Variants in BNIP1 observed in about 807,000 individuals in gnomAD.
BNIP1 encodes BCL2 interacting protein 1.
In BNIP1, 25 loss-of-function variants were observed where a neutral mutation model predicts 28.5. The observed-to-expected ratio is 0.88, with a 90% confidence interval of 0.64 to 1.23. The LOEUF is 1.23. Among genes scored for constraint, BNIP1 ranks in the 50% most tolerant of loss-of-function variants. The pLI is 0.00. For missense variants in BNIP1, 276 were observed against 277.0 expected (o/e 1.00, Z 0.02); for synonymous variants, 118 against 101.7 (o/e 1.16, Z -0.96).
In BNIP1 at chr5:173,154,423, G is replaced by C. The variant is rs1581075173; in HGVS notation, c.269+10G>C. On this transcript the variant is annotated intron_variant, in intron 3 of 5. Transcript: ENST00000351486. ...AAAAGCAGATGCTCAGGTAGGCAGG[G>C]CCTGCCCCCGCCAGCGGCTTCTGCT... 1 of 1,602,146 alleles carries C rather than the reference G, an allele frequency of 6.2e-7. No individual in the cohort carries two copies. The highest frequency in any genetic ancestry group is 8.5e-7 in the Non-Finnish European group (1 of 1,173,596).
rs767108950 is a variant in BNIP1, at chr5:173,158,725, G to A, written c.270-19G>A. ...CTTGGTGGAGTGGACACACTCACAC[G>A]TGAACCTTCCAATTCCAGCAATCAG... is the stretch of plus-strand genomic sequence containing the variant. On this transcript the variant is annotated intron_variant, in intron 3 of 5. Coordinates refer to ENST00000351486, the MANE Select transcript of BNIP1 (RefSeq NM_001205.3). 28 of 1,601,270 alleles carry A rather than the reference G, an allele frequency of 1.7e-5. No individual in the cohort carries two copies. The highest frequency in any genetic ancestry group is 3.4e-5 in the Admixed American group (2 of 59,464).
chr5:173,144,672 C>T (rs1041486055), intron 1 of BNIP1, 43 bp downstream of exon 1: 2 of 1,597,926 alleles, frequency 1.3e-6, no homozygotes, highest in African/African-American at 1.3e-5. Flanking sequence ...CAGCCCTAAC[C>T]CAAGCTCTGC....
At position 173,162,403 on chromosome 5, in the gene BNIP1, C is replaced by T. The variant is rs562322787; in HGVS notation, c.491-1322C>T. Reference sequence around the variant, plus strand: ...CTTTGGGAGGCCAAGGCGGGCAGATCACTTGAGGTCAGGAGTTCGAGACCA... The same window carrying T: ...CTTTGGGAGGCCAAGGCGGGCAGATTACTTGAGGTCAGGAGTTCGAGACCA... On this transcript the variant is annotated intron_variant, in intron 5 of 5. Transcript: ENST00000351486. 3.3e-5 allele frequency among the ~76,000 whole-genome samples: 5 copies of T among 152,290 alleles called. No homozygotes were observed. The East Asian group carries it at 9.6e-4, about 29-fold the overall frequency.
Position 173,163,940 on chromosome 5 carries a change from T to G in BNIP1, c.*19T>G, listed in dbSNP as rs1467922545. 1.3e-6 allele frequency: 2 copies of G among 1,572,280 alleles called. No homozygotes were observed. Among genetic ancestry groups the G allele is most frequent in the African/African-American group, 2.7e-5 (2 of 73,332 alleles). ...TTTGTGAGATCCCAAAGGTGCCAGT[T>G]CTGGCCCTTTCAGCTCCTGTTTCAG... On this transcript the variant is annotated 3_prime_UTR_variant, in exon 6 of 6. Coordinates refer to ENST00000351486, the MANE Select transcript of BNIP1 (RefSeq NM_001205.3).
At chr5:173,146,623 G>A (rs1439218360) in intron 1 of BNIP1, among the ~76,000 whole-genome samples, 1 of 152,184 alleles carries the variant, frequency 6.6e-6, no homozygotes, top group Admixed American at 6.5e-5. Context: ...TAAAAATTAG[G>A]TCAAAGCAGT....
chr5:173,146,292 G>A (rs937864850), intron 1 of BNIP1, among the ~76,000 whole-genome samples: 2 of 152,186 alleles, frequency 1.3e-5, no homozygotes, highest in African/African-American at 2.4e-5. Context: ...GCCAGGATTC[G>A]AATCCACCTG....
At chr5:173,145,628 C>T (rs1313804035) in intron 1 of BNIP1, among the ~76,000 whole-genome samples, 3 of 152,222 alleles carry the variant, frequency 2.0e-5, no homozygotes, top group Non-Finnish European at 2.9e-5. Flanking sequence ...TGGTCTCGAT[C>T]TCCTGACCTC....
intron 3 of BNIP1, among the ~76,000 whole-genome samples, chr5:173,156,850 G>A (rs544753587): frequency 5.3e-5 from 8 of 151,496 alleles, no homozygotes; most frequent in East Asian, 1.9e-4. Context: ...GGGTTTCTCC[G>A]TGTTAGCCAG....
chr5:173,163,661 G>A, intron 5 of BNIP1, 64 bp from the exon 6 acceptor site: 1 of 1,446,974 alleles, frequency 6.9e-7, no homozygotes, highest in Non-Finnish European at 9.3e-7. Flanking sequence ...CCAGCCAGCA[G>A]AGTGAGGTCT....
In BNIP1 at chr5:173,160,048, C is replaced by G; in HGVS notation, c.487C>G (p.Leu163Val). 1 of 1,613,354 alleles carries G rather than the reference C, an allele frequency of 6.2e-7. No individual in the cohort carries two copies. Among genetic ancestry groups the G allele is most frequent in the South Asian group, 1.1e-5 (1 of 91,030 alleles). Residue 163 changes from leucine to valine, a missense_variant, in exon 5 of 6, where the codon CTA (leucine) becomes GTA (valine). Leu to Val is a conservative substitution (Grantham distance 32). Coordinates refer to ENST00000351486, the MANE Select transcript of BNIP1 (RefSeq NM_001205.3). ...VQQSEEAMQSLVTSSRTILDA... is the reference protein window; with the variant it reads ...VQQSEEAMQSVVTSSRTILDA... ...GCAGAGCGAGGAGGCCATGCAGTCTCTAGGTAAAGCTGGGCCTGGAGTAGG... is the reference window on the plus strand; with the variant it reads ...GCAGAGCGAGGAGGCCATGCAGTCTGTAGGTAAAGCTGGGCCTGGAGTAGG...
At position 173,163,937 on chromosome 5, in the gene BNIP1, A is replaced by G; in HGVS notation, c.*16A>G. ...ATTTTTGTGAGATCCCAAAGGTGCC[A>G]GTTCTGGCCCTTTCAGCTCCTGTTT... On this transcript the variant is annotated 3_prime_UTR_variant, in exon 6 of 6. Transcript: ENST00000351486. 1 of 1,577,408 alleles carries G rather than the reference A, an allele frequency of 6.3e-7. No individual in the cohort carries two copies. Among genetic ancestry groups the G allele is most frequent in the Non-Finnish European group, 8.6e-7 (1 of 1,161,202 alleles).
chr5:173,153,847 T>C (rs1760100625), intron 2 of BNIP1, among the ~76,000 whole-genome samples: 1 of 152,206 alleles, frequency 6.6e-6, no homozygotes, highest in Non-Finnish European at 1.5e-5. Flanking sequence ...TTTCTGTCCC[T>C]GCACGAGCTC....
At chr5:173,159,149 T>C (rs1163303360) in intron 4 of BNIP1, among the ~76,000 whole-genome samples, 1 of 152,130 alleles carries the variant, frequency 6.6e-6, no homozygotes, top group Non-Finnish European at 1.5e-5. Flanking sequence ...GTGATTCTCC[T>C]GCCTCAGCCT....
At position 173,146,943 on chromosome 5, in the gene BNIP1, G is replaced by A. The variant is rs745839377; in HGVS notation, c.162G>A (p.Leu54=). ...AAGTAAAAGAGAAATTTCAACAGTTGCGTCACAGAATACAGGTGGGTATTC... is the reference window on the plus strand; with the variant it reads ...AAGTAAAAGAGAAATTTCAACAGTTACGTCACAGAATACAGGTGGGTATTC... ...NTKVKEKFQQ[L]RHRIQDLEQL... is the part of the protein sequence containing the mutation. The change falls in exon 2 of 6, where the codon TTG becomes TTA. Residue 54 remains leucine (L), a synonymous_variant. Coordinates refer to ENST00000351486, the MANE Select transcript of BNIP1 (RefSeq NM_001205.3). 1.7e-5 allele frequency: 27 copies of A among 1,613,376 alleles called. No individual in the cohort carries two copies. In the South Asian group the frequency reaches 3.0e-4, roughly 18 times the overall value.
At chr5:173,151,484 G>A (rs942025230) in intron 2 of BNIP1, 7 of 1,409,088 alleles carry the variant, frequency 5.0e-6, no homozygotes, top group South Asian at 4.0e-5. Context: ...GCCTTCCAAA[G>A]TGTTGGGATT....
At chr5:173,148,235 G>A (rs40558) in intron 2 of BNIP1, among the ~76,000 whole-genome samples, 94,831 of 148,286 alleles carry the variant, frequency 0.64, 30,722 homozygotes, top group Middle Eastern at 0.71. Context: ...AAGTGCTGGG[G>A]TTACAGGCAT....
At position 173,164,041 on chromosome 5, in the gene BNIP1, G is replaced by A; in HGVS notation, c.*120G>A. 1 of 1,061,770 alleles carries A rather than the reference G, an allele frequency of 9.4e-7. No homozygotes were observed. The highest frequency in any genetic ancestry group is 1.3e-6 in the Non-Finnish European group (1 of 753,684). 65.8% of individuals were successfully genotyped at this position (1,061,770 alleles called of 1,614,324 possible). On this transcript the variant is annotated 3_prime_UTR_variant, in exon 6 of 6. Coordinates refer to ENST00000351486, the MANE Select transcript of BNIP1 (RefSeq NM_001205.3). This position sits in a 1 kb window ranked among gnomAD's most constrained non-coding sequence, Gnocchi z 4.0. ...CTCCGTTTGCACCAGTTGCCTGCAG[G>A]TTGGATGGAACACAGTGCCCCACTT...
intron 5 of BNIP1, 52 bp from the exon 6 acceptor site, chr5:173,163,673 T>C: frequency 6.6e-7 from 1 of 1,503,904 alleles, no homozygotes; most frequent in South Asian, 1.3e-5. Flanking sequence ...GTGAGGTCTT[T>C]GGATCTTGAG....
At chr5:173,155,698 CA>C (rs879944123) in intron 3 of BNIP1, among the ~76,000 whole-genome samples, 5 of 147,612 alleles carry the variant, frequency 3.4e-5, no homozygotes, top group African/African-American at 5.0e-5. Context: ...ACCTTAAAAA[CA>C]AAAAAAAAAT....
Sources: gnomAD v4.1 joint callset for allele counts (sites outside exome capture counted in the v4.1 genomes callset) on GRCh38, gnomAD v4.1.1 for gene constraint, Gnocchi (gnomAD v3.1) non-coding constraint, MANE v1.5 for transcripts, NCBI Gene and HGNC (gene_info 2026-07-23, HGNC 2026-07-21) for gene names.